The following GABPB1 variants were observed in gnomAD, a reference collection of about 807,000 sequenced individuals.
GABPB1 encodes the protein GA-binding protein subunit beta-1.
Under a neutral mutation model 45.9 loss-of-function variants are expected in GABPB1, and 15 were observed. The ratio of observed to expected loss-of-function variants is 0.33; its 90% CI spans 0.22 to 0.50. The LOEUF is 0.50. Ranked by LOEUF, GABPB1 falls within the 20% of genes least tolerant of loss-of-function variation. The pLI is 0.98. For missense variants in GABPB1, 252 were observed against 457.5 expected, an observed-to-expected ratio of 0.55 and a Z score of 4.10; for synonymous variants, 143 against 154.4, an observed-to-expected ratio of 0.93 and a Z score of 0.55.
intron 1 of GABPB1, among the ~76,000 whole-genome samples, chr15:50,342,641 A>G (rs2048418599): frequency 6.6e-6 from 1 of 152,230 alleles, no homozygotes; most frequent in Non-Finnish European, 1.5e-5. Flanking sequence ...TGACCTATTA[A>G]CAGACTGTGA....
chr15:50,354,393 G>T (rs1275693822), intron 1 of GABPB1: 40 of 451,530 alleles, frequency 8.9e-5, no homozygotes, highest in Middle Eastern at 3.4e-4. Flanking sequence ...ACCCTGTCTG[G>T]TCCGGCCGAT....
At chr15:50,292,992 T>A (rs1048356105) in intron 6 of GABPB1, among the ~76,000 whole-genome samples, 1 of 149,416 alleles carries the variant, frequency 6.7e-6, no homozygotes, top group Non-Finnish European at 1.5e-5. Flanking sequence ...TGTCTACATA[T>A]AAAAAAAAAA....
intron 1 of GABPB1, chr15:50,351,106 G>A (rs2048803403): frequency 6.6e-6 from 1 of 152,222 alleles, no homozygotes; most frequent in South Asian, 2.1e-4. Context: ...GGGCCTCTGT[G>A]TGGCTTTTTA....
In GABPB1 at chr15:50,278,420, AC is replaced by A; in HGVS notation, c.*211del. ...CATTTGGAACTGTAAAAAAAAAAAA[AC>A]TATTTACAGAATTCAGTTTTAAATA... On this transcript the variant is annotated 3_prime_UTR_variant, in exon 9 of 9. Transcript: ENST00000380877. 7 of 360,322 alleles carry A rather than the reference AC, an allele frequency of 1.9e-5. No individual in the cohort carries two copies. The highest frequency in any genetic ancestry group is 4.5e-5 in the East Asian group (1 of 22,410). The allele number at this position is 360,322 out of a possible 1,614,324, so 22.3% of individuals were successfully genotyped here.
At chr15:50,333,783 C>T (rs2048023833) in intron 1 of GABPB1, among the ~76,000 whole-genome samples, 2 of 152,114 alleles carry the variant, frequency 1.3e-5, no homozygotes, top group South Asian at 4.1e-4. Context: ...AATGCCAACA[C>T]TTTGGGAGGC....
At chr15:50,330,668 C>CTA (rs2047917699) in intron 1 of GABPB1, among the ~76,000 whole-genome samples, 1 of 152,202 alleles carries the variant, frequency 6.6e-6, no homozygotes, top group Admixed American at 6.5e-5. Context: ...TCTCCAAATG[C>CTA]TATACTTCAA....
chr15:50,338,164 C>T (rs542067037), intron 1 of GABPB1, among the ~76,000 whole-genome samples: 102 of 152,180 alleles, frequency 6.7e-4, no homozygotes, highest in Middle Eastern at 3.4e-3. Context: ...CTCAGCCTCC[C>T]GAGTAGCTGG....
At chr15:50,285,712 T>C (rs567086703) in intron 8 of GABPB1, among the ~76,000 whole-genome samples, 1 of 152,224 alleles carries the variant, frequency 6.6e-6, no homozygotes, top group African/African-American at 2.4e-5. Flanking sequence ...GTTTCAGTTT[T>C]GAACAACAAA....
chr15:50,312,645 A>G (rs1404580108), intron 1 of GABPB1, among the ~76,000 whole-genome samples: 1 of 152,250 alleles, frequency 6.6e-6, no homozygotes, highest in African/African-American at 2.4e-5. Context: ...GGTCACACTA[A>G]CAAATACAGC....
chr15:50,287,804 A>T (rs1489596682), intron 7 of GABPB1, among the ~76,000 whole-genome samples: 1 of 152,184 alleles, frequency 6.6e-6, no homozygotes, highest in African/African-American at 2.4e-5. Context: ...CCCTAATCCA[A>T]ATTTCAGACC....
At chr15:50,289,429 A>C in intron 7 of GABPB1, 54 bp downstream of exon 7, 1 of 1,164,844 alleles carries the variant, frequency 8.6e-7, no homozygotes, top group Non-Finnish European at 1.2e-6. Context: ...CTTAAAGAAA[A>C]TAAAAATTAA....
intron 1 of GABPB1, chr15:50,350,474 C>A (rs149893652): frequency 6.6e-6 from 1 of 151,048 alleles, no homozygotes; most frequent in African/African-American, 2.4e-5. Flanking sequence ...GCTGCTGAAT[C>A]TACCAAATTA....
At chr15:50,287,599 G>A (rs2046208147) in intron 7 of GABPB1, among the ~76,000 whole-genome samples, 1 of 152,172 alleles carries the variant, frequency 6.6e-6, no homozygotes, top group Admixed American at 6.5e-5. Flanking sequence ...AAGGAGAGCA[G>A]CCTCAGAAGA....
chr15:50,301,599 C>T (rs368488836), intron 4 of GABPB1, among the ~76,000 whole-genome samples: 14 of 152,146 alleles, frequency 9.2e-5, no homozygotes, highest in East Asian at 5.8e-4. Flanking sequence ...AGAGGAGAAA[C>T]GAGTATCTAA....
intron 1 of GABPB1, chr15:50,353,611 C>T (rs1174017838): frequency 2.0e-5 from 3 of 151,216 alleles, no homozygotes; most frequent in African/African-American, 7.3e-5. Flanking sequence ...AAAATAAAGT[C>T]ATCTTTAGTT....
intron 8 of GABPB1, 36 bp from the exon 9 acceptor site, chr15:50,278,820 G>A (rs1322458760): frequency 1.3e-6 from 2 of 1,514,658 alleles, no homozygotes; most frequent in Non-Finnish European, 1.8e-6. Context: ...TTTAATTTTT[G>A]CAAAAATACA....
intron 1 of GABPB1, among the ~76,000 whole-genome samples, chr15:50,324,502 G>C (rs1483047960): frequency 6.7e-6 from 1 of 149,954 alleles, no homozygotes; most frequent in Non-Finnish European, 1.5e-5. Flanking sequence ...AGCCCCTCCA[G>C]TGATCCAATG....
intron 1 of GABPB1, among the ~76,000 whole-genome samples, chr15:50,322,832 C>G (rs28372114): frequency 0.49 from 74,963 of 151,612 alleles, 19,593 homozygotes; most frequent in Middle Eastern, 0.65. Flanking sequence ...TTCAAGACCA[C>G]CCTGGGCAAC....
intron 1 of GABPB1, among the ~76,000 whole-genome samples, chr15:50,315,665 A>G (rs533559422): frequency 8.1e-4 from 124 of 152,356 alleles, no homozygotes; most frequent in Non-Finnish European, 1.4e-3. Flanking sequence ...GGGACCACAC[A>G]CACTCATCGT....
Sources: allele counts gnomAD v4.1 joint callset (sites outside exome capture counted in the v4.1 genomes callset), GRCh38; gene constraint gnomAD v4.1.1; transcripts MANE v1.5; gene names NCBI Gene and HGNC (gene_info 2026-07-23, HGNC 2026-07-21).